CECR2: variants seen among roughly 807,000 people sequenced by gnomAD.
The protein encoded by CECR2 is chromatin remodeling regulator CECR2.
In CECR2, 30 loss-of-function variants were observed where a neutral mutation model predicts 154.5. The ratio of observed to expected loss-of-function variants is 0.19; its 90% CI spans 0.15 to 0.26. CECR2 has a LOEUF of 0.26. Ranked by LOEUF, CECR2 falls within the 10% of genes least tolerant of loss-of-function variation. CECR2 has a pLI of 1.00. For missense variants in CECR2, 1,743 were observed against 1,829.3 expected (o/e 0.95, Z 0.86); for synonymous variants, 725 against 683.7 (o/e 1.06, Z -0.94).
chr22:17,522,955 A>G (rs947714679), intron 8 of CECR2, among the ~76,000 whole-genome samples: 1 of 151,744 alleles, frequency 6.6e-6, no homozygotes, highest in Non-Finnish European at 1.5e-5. Flanking sequence ...CAGTAAGCCA[A>G]AATCGTGCCA....
At chr22:17,522,304 T>C (rs2056172382) in intron 8 of CECR2, among the ~76,000 whole-genome samples, 1 of 152,234 alleles carries the variant, frequency 6.6e-6, no homozygotes, top group Non-Finnish European at 1.5e-5. Context: ...AGTTTCATCA[T>C]ATCTCAGCTG....
chr22:17,369,465 T>C lies in CECR2; in HGVS notation c.-319T>C, dbSNP rs2063028092. 6.7e-6 allele frequency: 1 copy of C among 149,516 alleles called. No homozygotes were observed. The highest frequency in any genetic ancestry group is 2.0e-4 in the East Asian group (1 of 4,942). 9.3% of individuals were successfully genotyped at this position (149,516 alleles called of 1,614,324 possible). A position where few individuals can be genotyped will look rare whatever the true frequency, so the allele number is the denominator to read the frequency against. On this transcript the variant is annotated 5_prime_UTR_variant, in exon 1 of 19. Transcript: ENST00000262608. ...GCCCCTCCGCCCCTAGCCCCATCTG[T>C]TTCTCCGGCGGGGACTCGATTATAT...
intron 1 of CECR2, among the ~76,000 whole-genome samples, chr22:17,474,931 G>A (rs1227940177): frequency 6.6e-6 from 1 of 152,070 alleles, no homozygotes; most frequent in Non-Finnish European, 1.5e-5. Flanking sequence ...CTCCAGTGTT[G>A]CCTTTATTAT....
chr22:17,465,280 G>T (rs2055012039), intron 1 of CECR2, among the ~76,000 whole-genome samples: 1 of 151,990 alleles, frequency 6.6e-6, no homozygotes, highest in African/African-American at 2.4e-5. Flanking sequence ...ACAGGTGTGA[G>T]CCACTGCACC....
intron 2 of CECR2, among the ~76,000 whole-genome samples, chr22:17,490,140 T>TG (rs2055499203): frequency 6.7e-6 from 1 of 148,422 alleles, no homozygotes; most frequent in African/African-American, 2.6e-5. Context: ...TCCTTACTGT[T>TG]TTTTTTTTGT....
chr22:17,481,818 A>G (rs2055324665), intron 2 of CECR2, among the ~76,000 whole-genome samples: 1 of 152,120 alleles, frequency 6.6e-6, no homozygotes, highest in Non-Finnish European at 1.5e-5. Context: ...CAGTCATATA[A>G]AGACCTAGCA....
In CECR2 at chr22:17,475,494, G is replaced by C. The variant is rs144724837; in HGVS notation, c.127-2094G>C. Among the ~76,000 whole-genome samples, 522 of 152,116 alleles carry C rather than the reference G, an allele frequency of 3.4e-3. 1 individual carries two copies. The highest frequency in any genetic ancestry group is 0.012 in the African/African-American group (505 of 41,512). On this transcript the variant is annotated intron_variant, in intron 1 of 18. Transcript: ENST00000262608. ...CCCTTAAAAGAGACAGGGTCTTGCT[G>C]TGTGGCCCAGGCTGGTCTCAAACTC...
chr22:17,361,595 C>T (rs955516982), intron 1 of CECR2, among the ~76,000 whole-genome samples: 8 of 151,808 alleles, frequency 5.3e-5, no homozygotes, highest in African/African-American at 1.5e-4. Flanking sequence ...AAAAATTAGC[C>T]GGGCATGGTG....
At chr22:17,413,145 GTTATC>G (rs1231655331) in intron 1 of CECR2, among the ~76,000 whole-genome samples, 1 of 152,144 alleles carries the variant, frequency 6.6e-6, no homozygotes, top group African/African-American at 2.4e-5. Context: ...ATGGATGAGG[GTTATC>G]TGATGGGGAA....
At chr22:17,404,494 C>G (rs2053950837) in intron 1 of CECR2, among the ~76,000 whole-genome samples, 1 of 137,262 alleles carries the variant, frequency 7.3e-6, no homozygotes. Flanking sequence ...CTGCCTCAGC[C>G]TCCCCAGTAG....
At chr22:17,486,503 G>T (rs923052753) in intron 2 of CECR2, among the ~76,000 whole-genome samples, 1 of 152,198 alleles carries the variant, frequency 6.6e-6, no homozygotes, top group South Asian at 2.1e-4. Flanking sequence ...CTCTGGGGAC[G>T]CCCCTTGCGG....
intron 16 of CECR2, among the ~76,000 whole-genome samples, chr22:17,543,544 T>C (rs569924565): frequency 2.0e-5 from 3 of 150,626 alleles, no homozygotes; most frequent in African/African-American, 7.4e-5. Context: ...GCGCTTGCTG[T>C]GCCAGGCACT....
At chr22:17,543,388 C>A (rs1392390405) in intron 16 of CECR2, among the ~76,000 whole-genome samples, 1 of 152,034 alleles carries the variant, frequency 6.6e-6, no homozygotes, top group Non-Finnish European at 1.5e-5. Context: ...CCCCCGTCGG[C>A]CTCCCAAAGT....
chr22:17,426,270 A>G (rs1371691788), intron 1 of CECR2, among the ~76,000 whole-genome samples: 1 of 88,328 alleles, frequency 1.1e-5, no homozygotes, highest in African/African-American at 8.1e-5. Context: ...TCAGATTTCC[A>G]TAGTAGGAAA....
At chr22:17,404,436 G>T (rs373431631) in intron 1 of CECR2, among the ~76,000 whole-genome samples, 4 of 115,384 alleles carry the variant, frequency 3.5e-5, no homozygotes, top group Middle Eastern at 4.6e-3. Context: ...TGCAGTGGCG[G>T]GATCTCGGCT....
At chr22:17,438,609 A>G (rs2054540302) in intron 1 of CECR2, among the ~76,000 whole-genome samples, 1 of 149,342 alleles carries the variant, frequency 6.7e-6, no homozygotes, top group Non-Finnish European at 1.5e-5. Flanking sequence ...CTTTCTTAAA[A>G]CATTATGAGA....
intron 12 of CECR2, 76 bp from the exon 13 acceptor site, chr22:17,538,915 ATC>A: frequency 4.0e-6 from 6 of 1,509,020 alleles, no homozygotes; most frequent in South Asian, 1.3e-5. Flanking sequence ...AATTCTCATT[ATC>A]TCTCTGTCTC....
intron 8 of CECR2, among the ~76,000 whole-genome samples, chr22:17,515,307 A>T (rs1337688911): frequency 6.6e-6 from 1 of 152,126 alleles, no homozygotes; most frequent in Non-Finnish European, 1.5e-5. Context: ...TGGAGCAATA[A>T]CTAGGGGGAC....
intron 16 of CECR2, among the ~76,000 whole-genome samples, chr22:17,543,966 C>T (rs542140201): frequency 6.6e-5 from 10 of 152,334 alleles, no homozygotes; most frequent in African/African-American, 2.4e-4. Context: ...AGATTATTTG[C>T]TCTCAGCCAG....
Sources: gnomAD v4.1 joint callset for allele counts (sites outside exome capture counted in the v4.1 genomes callset) on GRCh38, gnomAD v4.1.1 for gene constraint, MANE v1.5 for transcripts, NCBI Gene and HGNC (gene_info 2026-07-23, HGNC 2026-07-21) for gene names.